FHIT: variants seen among roughly 807,000 people sequenced by gnomAD.
FHIT encodes bis(5'-adenosyl)-triphosphatase.
A neutral mutation model predicts 17.9 loss-of-function variants in FHIT; 19 were observed. The ratio of observed to expected loss-of-function variants is 1.06; its 90% CI spans 0.74 to 1.56. The LOEUF (loss-of-function observed/expected upper bound fraction) is 1.56. FHIT is among the 40% of genes most tolerant of loss of function. FHIT has a pLI of 0.00. For synonymous variants in FHIT, 81 were observed against 69.7 expected (o/e 1.16, Z -0.81); for missense variants, 248 against 189.2 (o/e 1.31, Z -1.82).
chr3:60,399,814 A>T (rs1028813745), intron 5 of FHIT, among the ~76,000 whole-genome samples: 1 of 152,128 alleles, frequency 6.6e-6, no homozygotes, highest in Non-Finnish European at 1.5e-5. Flanking sequence ...ATAATTTTTT[A>T]AAAAATCATG....
At chr3:60,588,472 AAG>A (rs1323501261) in intron 4 of FHIT, among the ~76,000 whole-genome samples, 2 of 152,046 alleles carry the variant, frequency 1.3e-5, no homozygotes, top group East Asian at 3.9e-4. Context: ...AAGGGAGAAA[AAG>A]AATCGAAGGA....
At chr3:60,152,400 A>G (rs1700507097) in intron 5 of FHIT, among the ~76,000 whole-genome samples, 1 of 152,230 alleles carries the variant, frequency 6.6e-6, no homozygotes, top group Non-Finnish European at 1.5e-5. Flanking sequence ...CTAACCAGAG[A>G]GCAGAAACAA....
intron 5 of FHIT, among the ~76,000 whole-genome samples, chr3:60,096,879 G>C (rs1703971480): frequency 6.6e-6 from 1 of 151,790 alleles, no homozygotes; most frequent in Non-Finnish European, 1.5e-5. Context: ...ATGACTTTAG[G>C]GTATAAAAGG....
chr3:60,713,842 T>A (rs544548494), intron 4 of FHIT, among the ~76,000 whole-genome samples: 17 of 151,836 alleles, frequency 1.1e-4, no homozygotes, highest in African/African-American at 3.4e-4. Flanking sequence ...ACAGCCGAAT[T>A]CTACCAGAGG....
At chr3:60,425,330 G>C (rs557896154) in intron 5 of FHIT, among the ~76,000 whole-genome samples, 1 of 152,256 alleles carries the variant, frequency 6.6e-6, no homozygotes, top group South Asian at 2.1e-4. Flanking sequence ...ACCAGAAGGA[G>C]ATAAAGCCAA....
chr3:60,096,219 A>C (rs188510223), intron 5 of FHIT, among the ~76,000 whole-genome samples: 24 of 152,262 alleles, frequency 1.6e-4, no homozygotes, highest in Non-Finnish European at 1.6e-4. Context: ...ACTGACAATC[A>C]AAGAAAAAGT....
rs986748507 is a variant in FHIT, at chr3:59,933,336, C to T, written c.280-10922G>A. Among the ~76,000 whole-genome samples, 9 of 152,266 alleles carry T rather than the reference C, an allele frequency of 5.9e-5. No individual in the cohort carries two copies. In the East Asian group the frequency reaches 1.7e-3, roughly 29 times the overall value. ...TTATAGTAATAGCACACCATTCATC[C>T]ACCCACCATTTTTAAGTCATTATCA... On this transcript the variant is annotated intron_variant, in intron 7 of 9. Coordinates refer to ENST00000492590, the MANE Select transcript of FHIT (RefSeq NM_002012.4).
chr3:60,444,493 A>G (rs1377966263), intron 5 of FHIT, among the ~76,000 whole-genome samples: 1 of 152,214 alleles, frequency 6.6e-6, no homozygotes, highest in Non-Finnish European at 1.5e-5. Flanking sequence ...GCATATATAT[A>G]CCATGGAATA....
chr3:60,614,820 GTTTT>G (rs1191171215), intron 4 of FHIT, among the ~76,000 whole-genome samples: 1 of 58,858 alleles, frequency 1.7e-5, no homozygotes, highest in African/African-American at 5.1e-5. Context: ...TTTTTTTTTT[GTTTT>G]TTTTTTGTTT....
chr3:61,038,030 A>G (rs1348109038), intron 3 of FHIT, among the ~76,000 whole-genome samples: 2 of 152,260 alleles, frequency 1.3e-5, no homozygotes, highest in Admixed American at 1.3e-4. Context: ...ATGGAAAATA[A>G]TTAACAGAAT....
intron 3 of FHIT, among the ~76,000 whole-genome samples, chr3:61,013,405 G>A (rs75728451): frequency 4.7e-4 from 71 of 152,250 alleles, no homozygotes; most frequent in Admixed American, 1.5e-3. Flanking sequence ...TCATTACAGC[G>A]TTCTTTCAAA....
At chr3:60,400,608 C>G (rs542408701) in intron 5 of FHIT, among the ~76,000 whole-genome samples, 32 of 152,140 alleles carry the variant, frequency 2.1e-4, no homozygotes, top group South Asian at 8.3e-4. Flanking sequence ...GGCATGCACA[C>G]AGAAGCAGGA....
intron 8 of FHIT, among the ~76,000 whole-genome samples, chr3:59,837,494 C>T (rs1435149698): frequency 2.0e-5 from 3 of 151,940 alleles, no homozygotes; most frequent in Non-Finnish European, 2.9e-5. Flanking sequence ...CCAAATATTT[C>T]CAATCCTCCA....
chr3:60,887,251 CTTG>C (rs1211557765), intron 3 of FHIT, among the ~76,000 whole-genome samples: 23 of 152,276 alleles, frequency 1.5e-4, no homozygotes, highest in African/African-American at 5.5e-4. Context: ...TCTGCTTAAA[CTTG>C]TTGTTCAGTT....
intron 4 of FHIT, among the ~76,000 whole-genome samples, chr3:60,606,871 T>C (rs2038625158): frequency 6.6e-6 from 1 of 152,122 alleles, no homozygotes; most frequent in Non-Finnish European, 1.5e-5. Context: ...TTCTGTTAAC[T>C]CCCCGATATC....
intron 5 of FHIT, among the ~76,000 whole-genome samples, chr3:60,108,112 G>A (rs751668651): frequency 3.9e-5 from 6 of 152,120 alleles, no homozygotes; most frequent in Non-Finnish European, 7.4e-5. Flanking sequence ...TTATGGGTCC[G>A]GAAAGTGCTT....
intron 5 of FHIT, among the ~76,000 whole-genome samples, chr3:60,436,520 A>T (rs1466846251): frequency 6.6e-6 from 1 of 152,100 alleles, no homozygotes; most frequent in African/African-American, 2.4e-5. Context: ...CTAGGCTTTT[A>T]TATGTCCTAG....
rs189326980 is a variant in FHIT, at chr3:60,442,436, A to G, written c.103+94424T>C. Among the ~76,000 whole-genome samples, 816 of 152,206 alleles carry G rather than the reference A, an allele frequency of 5.4e-3. 9 individuals are homozygous for G. Among genetic ancestry groups the G allele is most frequent in the African/African-American group, 0.019 (785 of 41,528 alleles). On this transcript the variant is annotated intron_variant, in intron 5 of 9. Coordinates refer to ENST00000492590, the MANE Select transcript of FHIT (RefSeq NM_002012.4). Reference sequence around the variant, plus strand: ...ACATTTAAGTCTTTAATCCATCTTGAATTAATTTTTGTATAAGGTGTAAGG... The same window carrying G: ...ACATTTAAGTCTTTAATCCATCTTGGATTAATTTTTGTATAAGGTGTAAGG...
chr3:59,932,893 T>A (rs545251099), intron 7 of FHIT, among the ~76,000 whole-genome samples: 128 of 152,150 alleles, frequency 8.4e-4, no homozygotes, highest in African/African-American at 3.0e-3. Context: ...CATTCTCCTA[T>A]CTCTAATTTT....
Sources: allele counts gnomAD v4.1 joint callset (sites outside exome capture counted in the v4.1 genomes callset), GRCh38; gene constraint gnomAD v4.1.1; transcripts MANE v1.5; gene names NCBI Gene and HGNC (gene_info 2026-07-23, HGNC 2026-07-21).